Variants in EDC3 observed in about 807,000 individuals in gnomAD.
EDC3 encodes the protein enhancer of mRNA-decapping protein 3.
In EDC3, 20 loss-of-function variants were observed where a neutral mutation model predicts 41.8. That is an observed-to-expected ratio of 0.48 (90% confidence interval 0.34 to 0.70). The LOEUF (loss-of-function observed/expected upper bound fraction) is 0.70. Ranked by LOEUF, EDC3 falls within the 30% of genes least tolerant of loss-of-function variation. The pLI is 0.01. For synonymous variants in EDC3, 206 were observed against 243.2 expected (o/e 0.85, Z 1.42); for missense variants, 444 against 636.8 (o/e 0.70, Z 3.26).
In EDC3 at chr15:74,674,967, G is replaced by A. The variant is rs1453249862; in HGVS notation, c.158C>T (p.Thr53Ile). 6.2e-7 allele frequency: 1 copy of A among 1,614,102 alleles called. No homozygotes were observed. The highest frequency in any genetic ancestry group is 8.5e-7 in the Non-Finnish European group (1 of 1,180,042). Residue 53 changes from threonine (T) to isoleucine (I), a missense_variant, in exon 2 of 7, where the codon ACC becomes ATC. Thr to Ile is a moderately conservative substitution (Grantham distance 89, BLOSUM62 -1). Around this residue, in one of 3 missense-constraint regions of EDC3, gnomAD observed 200 missense variants for 244.0 expected, o/e 0.82. Transcript: ENST00000315127. Reference protein sequence around the residue: ...NGVKCLVPEVTFRAGDITELK... With the variant: ...NGVKCLVPEVIFRAGDITELK... ...AGTCAGTCAGGACACTCACCTGAAG[G>A]TGACTTCTGGAACAAGACACTTCAC...
In EDC3 at chr15:74,671,481, T is replaced by G; in HGVS notation, c.458A>C (p.Lys153Thr). 6.2e-7 allele frequency: 1 copy of G among 1,613,170 alleles called. No individual in the cohort carries two copies. The highest frequency in any genetic ancestry group is 1.1e-5 in the South Asian group (1 of 91,046). ...DRHMESLSQS[K>T]SFRRRHNSWS... ...GGAGTTGTGCCGACGACGGAAACTTTTGGACTGACTCAAGGATTCCATGTG... is the reference window on the plus strand; with the variant it reads ...GGAGTTGTGCCGACGACGGAAACTTGTGGACTGACTCAAGGATTCCATGTG... The change falls in exon 3 of 7, where the codon AAA (lysine) becomes ACA (threonine). Residue 153 changes from lysine (K) to threonine (T), a missense_variant. Physicochemically the swap from Lys to Thr is moderately conservative, Grantham distance 78. Around this residue, in one of 3 missense-constraint regions of EDC3, gnomAD observed 200 missense variants for 244.0 expected, o/e 0.82. Transcript: ENST00000315127. The surrounding 1 kb of genome is among the most constrained non-coding windows in gnomAD (Gnocchi z 4.6).
intron 1 of EDC3, among the ~76,000 whole-genome samples, chr15:74,693,911 A>G (rs996095998): frequency 6.6e-6 from 1 of 152,012 alleles, no homozygotes; most frequent in Non-Finnish European, 1.5e-5. Flanking sequence ...TTGAACCAGG[A>G]GGCAGAGGTT....
intron 6 of EDC3, among the ~76,000 whole-genome samples, chr15:74,634,791 T>C (rs1469839757): frequency 6.6e-6 from 1 of 152,212 alleles, no homozygotes; most frequent in African/African-American, 2.4e-5. Context: ...CAACAGCATC[T>C]TGACACTTCT....
intron 3 of EDC3, among the ~76,000 whole-genome samples, chr15:74,664,049 A>C (rs1007530335): frequency 1.3e-5 from 2 of 152,240 alleles, no homozygotes; most frequent in Non-Finnish European, 2.9e-5. Context: ...TTTGAGACAT[A>C]GACACTAAGG....
chr15:74,645,887 G>C (rs900124465), intron 4 of EDC3, among the ~76,000 whole-genome samples: 25 of 151,696 alleles, frequency 1.6e-4, no homozygotes, highest in African/African-American at 5.6e-4. Context: ...AAAAGAGTTG[G>C]GAAGGAAAAA....
intron 4 of EDC3, among the ~76,000 whole-genome samples, chr15:74,646,122 G>A (rs188750018): frequency 6.7e-6 from 1 of 150,192 alleles, no homozygotes; most frequent in African/African-American, 2.5e-5. Flanking sequence ...ATCCAGGCTG[G>A]AGTGCAATGG....
chr15:74,658,446 C>T (rs2062576695), intron 3 of EDC3, among the ~76,000 whole-genome samples: 1 of 151,928 alleles, frequency 6.6e-6, no homozygotes, highest in African/African-American at 2.4e-5. Flanking sequence ...AGAATGCTCA[C>T]TGTGGTTATC....
chr15:74,681,189 T>C (rs893997751), intron 1 of EDC3, among the ~76,000 whole-genome samples: 2 of 152,220 alleles, frequency 1.3e-5, no homozygotes, highest in African/African-American at 2.4e-5. Flanking sequence ...AGACTCACTT[T>C]GTCGCCCAGG....
At chr15:74,633,136 T>A (rs1487873902) in intron 6 of EDC3, among the ~76,000 whole-genome samples, 190 bp from the exon 7 acceptor site, 1 of 152,138 alleles carries the variant, frequency 6.6e-6, no homozygotes, top group Non-Finnish European at 1.5e-5. Flanking sequence ...CTGGGCTGAG[T>A]GCTAGAGACC....
Position 74,671,916 on chromosome 15 carries a change from A to C in EDC3, c.165-142T>G. On this transcript the variant is annotated intron_variant, in intron 2 of 6. Coordinates refer to ENST00000315127, the MANE Select transcript of EDC3 (RefSeq NM_025083.5). The surrounding 1 kb of genome is among the most constrained non-coding windows in gnomAD (Gnocchi z 4.6). ...GGCTAGGAAAGGGGGCTGTGTGCTTAAGGACAGGGGTCAGCCACCAACTAT... is the reference window on the plus strand; with the variant it reads ...GGCTAGGAAAGGGGGCTGTGTGCTTCAGGACAGGGGTCAGCCACCAACTAT... 2 of 805,010 alleles carry C rather than the reference A, an allele frequency of 2.5e-6. No homozygotes were observed. Among genetic ancestry groups the C allele is most frequent in the Non-Finnish European group, 3.9e-6 (2 of 512,278 alleles). The allele number at this position is 805,010 out of a possible 1,614,324, so 49.9% of individuals were successfully genotyped here. A position where few individuals can be genotyped will look rare whatever the true frequency, so the allele number is the denominator to read the frequency against.
intron 4 of EDC3, among the ~76,000 whole-genome samples, chr15:74,646,842 C>T (rs2062425124): frequency 6.6e-6 from 1 of 151,980 alleles, no homozygotes; most frequent in African/African-American, 2.4e-5. Context: ...GCATAAGGAA[C>T]TAAAAGGTCA....
At chr15:74,688,502 T>A (rs540083441) in intron 1 of EDC3, among the ~76,000 whole-genome samples, 1 of 152,334 alleles carries the variant, frequency 6.6e-6, no homozygotes, top group African/African-American at 2.4e-5. Context: ...CTACAGGTAG[T>A]TATTATTCTG....
chr15:74,671,332 T>C lies in EDC3; in HGVS notation c.484+123A>G. ...GGAAGAGAACCATGTTGTATTTCTG[T>C]GACGCTCAGCCAGCATCCATTTTAT... is the stretch of plus-strand genomic sequence containing the variant. On this transcript the variant is annotated intron_variant, in intron 3 of 6. Transcript: ENST00000315127. This position sits in a 1 kb window ranked among gnomAD's most constrained non-coding sequence, Gnocchi z 4.6. 9.0e-7 allele frequency: 1 copy of C among 1,106,608 alleles called. No homozygotes were observed. Among genetic ancestry groups the C allele is most frequent in the Non-Finnish European group, 1.3e-6 (1 of 769,676 alleles). 68.5% of individuals were successfully genotyped at this position (1,106,608 alleles called of 1,614,324 possible).
intron 3 of EDC3, among the ~76,000 whole-genome samples, chr15:74,665,798 CTT>C (rs916623879): frequency 3.3e-4 from 45 of 137,184 alleles, no homozygotes; most frequent in Non-Finnish European, 3.5e-4. Context: ...TCTTTCTTTC[CTT>C]TTTTTTTTTT....
chr15:74,675,430 A>T (rs1050253969), intron 1 of EDC3, among the ~76,000 whole-genome samples: 2 of 151,886 alleles, frequency 1.3e-5, no homozygotes, highest in Non-Finnish European at 2.9e-5. Context: ...TAATCTGTTT[A>T]TATTGTATTT....
intron 5 of EDC3, chr15:74,639,904 A>G (rs1224465559): frequency 6.6e-6 from 1 of 152,610 alleles, no homozygotes; most frequent in Non-Finnish European, 1.5e-5. Flanking sequence ...TAGAGACCTC[A>G]TTGGGCTACT....
rs1339783002 is a variant in EDC3, at chr15:74,656,168, A to G, written c.485-100T>C. 6.4e-5 allele frequency: 72 copies of G among 1,131,542 alleles called. No individual in the cohort carries two copies. The East Asian group carries it at 1.7e-3, about 27-fold the overall frequency. The allele number at this position is 1,131,542 out of a possible 1,614,324, so 70.1% of individuals were successfully genotyped here. The stretch of plus-strand genomic sequence containing the variant: ...TTTGTGGAGAGTGTTACAGGAACCA[A>G]TGTGAAAATGGTAAAGGTAACTATT... On this transcript the variant is annotated intron_variant, in intron 3 of 6. Coordinates refer to ENST00000315127, the MANE Select transcript of EDC3 (RefSeq NM_025083.5).
At chr15:74,675,689 G>T (rs1242790259) in intron 1 of EDC3, among the ~76,000 whole-genome samples, 1 of 150,996 alleles carries the variant, frequency 6.6e-6, no homozygotes, top group African/African-American at 2.4e-5. Context: ...GACCATCCTG[G>T]CTAACACGGT....
chr15:74,646,514 C>T (rs1181683007), intron 4 of EDC3, among the ~76,000 whole-genome samples: 1 of 152,214 alleles, frequency 6.6e-6, no homozygotes, highest in East Asian at 1.9e-4. Flanking sequence ...TAGGAGATGT[C>T]AGGTCTCAAT....
Sources: gnomAD v4.1 joint callset for allele counts (sites outside exome capture counted in the v4.1 genomes callset) on GRCh38, gnomAD v4.1.1 for gene constraint, gnomAD v4.1.1 regional missense constraint, Gnocchi (gnomAD v3.1) non-coding constraint, MANE v1.5 for transcripts, NCBI Gene and HGNC (gene_info 2026-07-23, HGNC 2026-07-21) for gene names.